DLG2: variants seen among roughly 807,000 people sequenced by gnomAD.
DLG2 encodes discs large MAGUK scaffold protein 2.
Under a neutral mutation model 132.5 loss-of-function variants are expected in DLG2, and 45 were observed. That is an observed-to-expected ratio of 0.34 (90% CI 0.27 to 0.44). The LOEUF (loss-of-function observed/expected upper bound fraction) is 0.44. Ranked by LOEUF, DLG2 falls within the 20% of genes least tolerant of loss-of-function variation. The pLI is 1.00. For missense variants in DLG2, 1,045 were observed against 1,196.9 expected (o/e 0.87, Z 1.87); for synonymous variants, 424 against 419.6 (o/e 1.01, Z -0.13).
intron 6 of DLG2, among the ~76,000 whole-genome samples, chr11:84,748,708 G>A (rs371191751): frequency 1.1e-4 from 16 of 152,290 alleles, no homozygotes; most frequent in African/African-American, 2.6e-4. Flanking sequence ...TAAAGGTTAC[G>A]CGGACTGTAA....
chr11:83,874,597 T>A (rs535152696), intron 15 of DLG2, 109 bp from the exon 16 acceptor site: 1 of 658,150 alleles, frequency 1.5e-6, no homozygotes, highest in South Asian at 3.0e-5. Context: ...GCAGGTTAGT[T>A]ACATATGTAT....
chr11:84,597,946 C>A (rs891952602), intron 6 of DLG2, among the ~76,000 whole-genome samples: 4 of 152,142 alleles, frequency 2.6e-5, no homozygotes, highest in African/African-American at 4.8e-5. Context: ...TTAAATGATA[C>A]CATGAGAATA....
At chr11:84,635,243 G>A (rs1177833968) in intron 6 of DLG2, among the ~76,000 whole-genome samples, 1 of 152,164 alleles carries the variant, frequency 6.6e-6, no homozygotes, top group African/African-American at 2.4e-5. Flanking sequence ...CTGTTGGCAG[G>A]AAGTCCAATG....
At chr11:83,801,459 T>C (rs2044363058) in intron 17 of DLG2, among the ~76,000 whole-genome samples, 1 of 152,202 alleles carries the variant, frequency 6.6e-6, no homozygotes, top group South Asian at 2.1e-4. Flanking sequence ...ATCCCTCTTA[T>C]TCCATCTTAT....
At chr11:84,534,788 T>C (rs372374067) in intron 6 of DLG2, 57 bp from the exon 7 acceptor site, 6 of 1,568,400 alleles carry the variant, frequency 3.8e-6, no homozygotes, top group African/African-American at 1.4e-5. Context: ...GTAAAGGATA[T>C]AGACTGAACT....
intron 8 of DLG2, among the ~76,000 whole-genome samples, chr11:84,204,461 T>A (rs1034721912): frequency 6.6e-6 from 1 of 151,500 alleles, no homozygotes; most frequent in Non-Finnish European, 1.5e-5. Flanking sequence ...ACAAGAAAAA[T>A]TTTCAATACA....
chr11:83,790,445 T>C, intron 17 of DLG2: 1 of 1,139,596 alleles, frequency 8.8e-7, no homozygotes, highest in Non-Finnish European at 1.3e-6. Context: ...TTTTGCAAGA[T>C]CTTTTTAGCT....
At chr11:84,742,527 T>C (rs559117704) in intron 6 of DLG2, among the ~76,000 whole-genome samples, 1 of 152,096 alleles carries the variant, frequency 6.6e-6, no homozygotes, top group Non-Finnish European at 1.5e-5. Flanking sequence ...ACAACCAAAT[T>C]GAGAGAAAGG....
intron 4 of DLG2, among the ~76,000 whole-genome samples, chr11:85,258,133 G>A (rs966407477): frequency 6.6e-6 from 1 of 152,240 alleles, no homozygotes; most frequent in Admixed American, 6.5e-5. Context: ...AGAGTAATAT[G>A]TAATTTGTGG....
At chr11:84,102,126 C>T (rs776881037) in intron 9 of DLG2, among the ~76,000 whole-genome samples, 12 of 152,114 alleles carry the variant, frequency 7.9e-5, no homozygotes, top group South Asian at 2.1e-4. Context: ...GGTGTCTGCT[C>T]AAATTAATAC....
intron 21 of DLG2, among the ~76,000 whole-genome samples, chr11:83,515,668 T>G (rs1363174668): frequency 6.6e-6 from 1 of 152,258 alleles, no homozygotes; most frequent in Non-Finnish European, 1.5e-5. Flanking sequence ...TTTAGTGGTA[T>G]AAATTTCCCT....
chr11:83,890,854 A>T (rs778817679), intron 15 of DLG2, among the ~76,000 whole-genome samples: 1 of 152,154 alleles, frequency 6.6e-6, no homozygotes, highest in Non-Finnish European at 1.5e-5. Flanking sequence ...CTAAGAATGG[A>T]ATCTGCAGGA....
chr11:85,378,850 A>C (rs1237590898), intron 3 of DLG2, among the ~76,000 whole-genome samples: 3 of 152,312 alleles, frequency 2.0e-5, no homozygotes, highest in Middle Eastern at 3.4e-3. Flanking sequence ...GTTTGAATAC[A>C]TCTTTCCATG....
At chr11:84,978,593 G>A (rs1009337923) in intron 6 of DLG2, among the ~76,000 whole-genome samples, 7 of 152,128 alleles carry the variant, frequency 4.6e-5, no homozygotes, top group African/African-American at 1.7e-4. Flanking sequence ...AAATGGTGCT[G>A]GGAAAACTGG....
intron 3 of DLG2, among the ~76,000 whole-genome samples, chr11:85,355,071 T>G (rs956389746): frequency 6.6e-6 from 1 of 152,192 alleles, no homozygotes; most frequent in Non-Finnish European, 1.5e-5. Flanking sequence ...TAATATGCCA[T>G]TTAATAAATC....
chr11:84,793,759 C>T (rs1399720659), intron 6 of DLG2, among the ~76,000 whole-genome samples: 1 of 151,976 alleles, frequency 6.6e-6, no homozygotes, highest in Non-Finnish European at 1.5e-5. Context: ...CATGGAATAT[C>T]TTTTTCTATT....
intron 8 of DLG2, among the ~76,000 whole-genome samples, chr11:84,174,563 T>C (rs1047054517): frequency 1.3e-5 from 2 of 152,176 alleles, no homozygotes; most frequent in Non-Finnish European, 1.5e-5. Context: ...TTTATGTTTA[T>C]TAAAATTCTA....
At chr11:84,777,982 G>A (rs1156743831) in intron 6 of DLG2, among the ~76,000 whole-genome samples, 2 of 151,962 alleles carry the variant, frequency 1.3e-5, no homozygotes, top group Admixed American at 6.6e-5. Context: ...TCTATTTTTG[G>A]TTTTGTTGCC....
chr11:84,737,174 C>G (rs186147249), intron 6 of DLG2, among the ~76,000 whole-genome samples: 321 of 152,000 alleles, frequency 2.1e-3, no homozygotes, highest in African/African-American at 7.2e-3. Flanking sequence ...GAATGTTAAA[C>G]AATCCTGTAT....
Sources: gnomAD v4.1 joint callset for allele counts (sites outside exome capture counted in the v4.1 genomes callset) on GRCh38, gnomAD v4.1.1 for gene constraint, MANE v1.5 for transcripts, NCBI Gene and HGNC (gene_info 2026-07-23, HGNC 2026-07-21) for gene names.